Variants in SMAD3 observed in about 807,000 individuals in gnomAD.
SMAD3 encodes MAD homolog 3.
SMAD3 carries 12 observed loss-of-function variants against 51.8 expected under a neutral mutation model. The observed-to-expected ratio is 0.23, with a 90% CI of 0.15 to 0.38. The LOEUF (loss-of-function observed/expected upper bound fraction) is 0.38, where lower values mean the gene tolerates loss of function less well. Ranked by LOEUF, SMAD3 falls within the 10% of genes least tolerant of loss-of-function variation. The probability of loss-of-function intolerance (pLI) is 1.00; values close to 1 mark genes in which losing one functional copy is unlikely to be tolerated. For missense variants in SMAD3, 294 were observed against 565.6 expected, an observed-to-expected ratio of 0.52 and a Z score of 4.87; for synonymous variants, 238 against 227.7, an observed-to-expected ratio of 1.05 and a Z score of -0.41.
chr15:67,166,061 G>C (rs761730786), intron 3 of SMAD3: 8 of 426,596 alleles, frequency 1.9e-5, no homozygotes, highest in Admixed American at 1.1e-4. Flanking sequence ...TAATTTGGAC[G>C]TGACGTTCAT....
At chr15:67,175,589 C>G (rs558813401) in intron 5 of SMAD3, among the ~76,000 whole-genome samples, 1 of 152,200 alleles carries the variant, frequency 6.6e-6, no homozygotes, top group Non-Finnish European at 1.5e-5. Flanking sequence ...GACCCTCCCC[C>G]CAGGGTGCCA....
intron 1 of SMAD3, among the ~76,000 whole-genome samples, chr15:67,118,821 G>A (rs1961193752): frequency 6.6e-6 from 1 of 152,210 alleles, no homozygotes; most frequent in African/African-American, 2.4e-5. Context: ...GGTGAGGTCT[G>A]CCTTTTCTCT....
At chr15:67,085,709 C>T (rs889066965) in intron 1 of SMAD3, among the ~76,000 whole-genome samples, 3 of 152,212 alleles carry the variant, frequency 2.0e-5, no homozygotes, top group Non-Finnish European at 2.9e-5. Context: ...TTCTACAGGC[C>T]GGCCTGGGGA....
chr15:67,142,562 G>A (rs1157165811), intron 1 of SMAD3, among the ~76,000 whole-genome samples: 1 of 152,088 alleles, frequency 6.6e-6, no homozygotes, highest in Non-Finnish European at 1.5e-5. Flanking sequence ...TAGATAAGAG[G>A]TTTCCAAATG....
At chr15:67,112,180 G>T (rs1207731324) in intron 1 of SMAD3, among the ~76,000 whole-genome samples, 794 of 26,478 alleles carry the variant, frequency 0.03, 1 homozygote, top group Middle Eastern at 0.11. Context: ...ACAGAGTTTT[G>T]CTCTTGTTGC....
At chr15:67,185,510 GGAGGGTCATGTAT>G (rs1963201770) in intron 7 of SMAD3, among the ~76,000 whole-genome samples, 1 of 152,160 alleles carries the variant, frequency 6.6e-6, no homozygotes, top group South Asian at 2.1e-4. Flanking sequence ...TCTGGCTGGA[GGAGGGTCATGTAT>G]GAGACCGTCA....
intron 7 of SMAD3, among the ~76,000 whole-genome samples, chr15:67,185,427 G>A (rs566039211): frequency 5.3e-5 from 8 of 152,304 alleles, no homozygotes; most frequent in African/African-American, 1.7e-4. Context: ...CACAGGGAGG[G>A]CATTCTAGAC....
chr15:67,185,736 C>T (rs1160465644), intron 7 of SMAD3, among the ~76,000 whole-genome samples: 3 of 152,104 alleles, frequency 2.0e-5, no homozygotes, highest in African/African-American at 7.2e-5. Flanking sequence ...CTGATCCCAT[C>T]TAAGGCCTCT....
At chr15:67,078,754 C>T (rs888565874) in intron 1 of SMAD3, among the ~76,000 whole-genome samples, 2 of 152,146 alleles carry the variant, frequency 1.3e-5, no homozygotes, top group Non-Finnish European at 2.9e-5. Context: ...CCTATTGCTG[C>T]GGAGTGCCCT....
intron 5 of SMAD3, among the ~76,000 whole-genome samples, chr15:67,173,406 T>C (rs958906225): frequency 6.6e-6 from 1 of 151,864 alleles, no homozygotes; most frequent in African/African-American, 2.4e-5. Context: ...TTGTGCCATG[T>C]GTGAGCGGGC....
At chr15:67,138,084 G>A (rs1961711950) in intron 1 of SMAD3, 2 of 1,551,636 alleles carry the variant, frequency 1.3e-6, no homozygotes, top group South Asian at 1.2e-5. Flanking sequence ...ACACCGGAAA[G>A]CATGGTGGAT....
At chr15:67,142,331 T>G (rs1472086800) in intron 1 of SMAD3, among the ~76,000 whole-genome samples, 1 of 152,072 alleles carries the variant, frequency 6.6e-6, no homozygotes, top group Non-Finnish European at 1.5e-5. Context: ...CCTCCATGGT[T>G]TGCGTGGAAT....
At chr15:67,071,593 C>T (rs1461908475) in intron 1 of SMAD3, among the ~76,000 whole-genome samples, 1 of 152,118 alleles carries the variant, frequency 6.6e-6, no homozygotes, top group Non-Finnish European at 1.5e-5. Context: ...AGGCGGATCA[C>T]GAGGTCAGGA....
intron 1 of SMAD3, among the ~76,000 whole-genome samples, chr15:67,068,969 G>A (rs549170604): frequency 6.6e-6 from 1 of 151,740 alleles, no homozygotes; most frequent in Non-Finnish European, 1.5e-5. Flanking sequence ...CCCCCTGTGT[G>A]TGGGGGGTTG....
chr15:67,187,743 A>G (rs1256966938), intron 8 of SMAD3, among the ~76,000 whole-genome samples: 4 of 152,194 alleles, frequency 2.6e-5, no homozygotes, highest in Non-Finnish European at 5.9e-5. Context: ...CACTGTAAAC[A>G]CACGCTCCAT....
chr15:67,065,986 G>T lies in SMAD3; in HGVS notation c.-169G>T, dbSNP rs1255680163. 3.4e-5 allele frequency: 8 copies of T among 236,898 alleles called. No individual in the cohort carries two copies. The highest frequency in any genetic ancestry group is 5.6e-5 in the Non-Finnish European group (7 of 125,810). 14.7% of individuals were successfully genotyped at this position (236,898 alleles called of 1,614,324 possible). ...CAGGGCCGCGCGCCGAGCCCCGCAG[G>T]CTGCAGCGCCGCGGCCCGGCCCGGC... is the stretch of plus-strand genomic sequence containing the variant. On this transcript the variant is annotated 5_prime_UTR_variant, in exon 1 of 9. Transcript: ENST00000327367.
chr15:67,089,842 C>T (rs2140213034), intron 1 of SMAD3, among the ~76,000 whole-genome samples: 1 of 152,318 alleles, frequency 6.6e-6, no homozygotes, highest in Middle Eastern at 3.4e-3. Flanking sequence ...GGACTTGGCC[C>T]AGGGCATATA....
chr15:67,096,151 C>T (rs1381462227), intron 1 of SMAD3, among the ~76,000 whole-genome samples: 1 of 152,204 alleles, frequency 6.6e-6, no homozygotes, highest in Non-Finnish European at 1.5e-5. Flanking sequence ...CCATCATATC[C>T]TTTATTACTC....
Position 67,193,807 on chromosome 15 carries a change from C to T in SMAD3, c.*3271C>T. The stretch of plus-strand genomic sequence containing the variant: ...GTTTGTTTATTTTTCTCCATCTCCC[C>T]TTGGCTTCCTAGAGTTTGGACATAT... On this transcript the variant is annotated 3_prime_UTR_variant, in exon 9 of 9. Coordinates refer to ENST00000327367, the MANE Select transcript of SMAD3 (RefSeq NM_005902.4). 4.3e-6 allele frequency: 1 copy of T among 233,326 alleles called. No individual in the cohort carries two copies. The highest frequency in any genetic ancestry group is 8.5e-6 in the Non-Finnish European group (1 of 117,790). The allele number at this position is 233,326 out of a possible 1,614,324, so 14.5% of individuals were successfully genotyped here. A position where few individuals can be genotyped will look rare whatever the true frequency, so the allele number is the denominator to read the frequency against.
Sources: gnomAD v4.1 joint callset for allele counts (sites outside exome capture counted in the v4.1 genomes callset) on GRCh38, gnomAD v4.1.1 for gene constraint, MANE v1.5 for transcripts, NCBI Gene and HGNC (gene_info 2026-07-23, HGNC 2026-07-21) for gene names.